The following POPDC3 variants were observed in gnomAD, a reference collection of about 807,000 sequenced individuals.
POPDC3 encodes popeye domain cAMP effector 3.
In POPDC3, 20 loss-of-function variants were observed where a neutral mutation model predicts 28.2. The observed-to-expected ratio is 0.71, with a 90% CI of 0.50 to 1.03. POPDC3 has a LOEUF of 1.03. Ranked by LOEUF, POPDC3 falls within the 50% of genes least tolerant of loss-of-function variation. The probability of loss-of-function intolerance (pLI) is 0.00; values close to 1 mark genes in which losing one functional copy is unlikely to be tolerated. For synonymous variants in POPDC3, 118 were observed against 124.1 expected, an observed-to-expected ratio of 0.95 and a Z score of 0.33; for missense variants, 316 against 345.9, an observed-to-expected ratio of 0.91 and a Z score of 0.69.
chr6:105,179,400 GGGCCCCTAGGAAC>G (rs1774740040), intron 1 of POPDC3, among the ~76,000 whole-genome samples: 1 of 152,134 alleles, frequency 6.6e-6, no homozygotes, highest in South Asian at 2.1e-4. Context: ...GGACTGACAA[GGGCCCCTAGGAAC>G]GGCTTTTCTC....
In POPDC3 at chr6:105,159,944, A is replaced by T. The variant is rs770840831; in HGVS notation, c.486-125T>A. The T allele has an allele frequency of 6.7e-6, 4 of 594,218 alleles. No individual in the cohort carries two copies. In the African/African-American group the frequency reaches 7.5e-5, roughly 11 times the overall value. The allele number at this position is 594,218 out of a possible 1,614,324, so 36.8% of individuals were successfully genotyped here. A position where few individuals can be genotyped will look rare whatever the true frequency, so the allele number is the denominator to read the frequency against. The stretch of plus-strand genomic sequence containing the variant: ...GACTCTTGCCCTTTATGATTTTGAA[A>T]GGCAAAATATTAAATTCATACATTA... On this transcript the variant is annotated intron_variant, in intron 2 of 3. Transcript: ENST00000254765.
intron 1 of POPDC3, among the ~76,000 whole-genome samples, chr6:105,174,134 C>T (rs530107189): frequency 1.3e-5 from 2 of 152,120 alleles, no homozygotes; most frequent in Non-Finnish European, 2.9e-5. Flanking sequence ...CTCCGCCTCC[C>T]GGGTTCAAGC....
chr6:105,176,832 T>C (rs1330717838), intron 1 of POPDC3, among the ~76,000 whole-genome samples: 1 of 152,234 alleles, frequency 6.6e-6, no homozygotes, highest in East Asian at 1.9e-4. Flanking sequence ...GTGCTGGGAT[T>C]ACAGGCGTGA....
intron 1 of POPDC3, among the ~76,000 whole-genome samples, chr6:105,175,353 A>G (rs1774661376): frequency 1.5e-5 from 2 of 134,694 alleles, no homozygotes; most frequent in African/African-American, 5.6e-5. Context: ...AGCCTGGGTA[A>G]CACAGTGAGA....
At chr6:105,166,362 C>T (rs1774455062) in intron 1 of POPDC3, among the ~76,000 whole-genome samples, 1 of 150,982 alleles carries the variant, frequency 6.6e-6, no homozygotes, top group East Asian at 1.9e-4. Context: ...CCTGTTTTGT[C>T]GCCGGGGCAC....
intron 1 of POPDC3, 90 bp from the exon 2 acceptor site, chr6:105,162,250 G>A (rs1774352324): frequency 1.5e-6 from 1 of 648,006 alleles, no homozygotes; most frequent in Non-Finnish European, 2.0e-6. Context: ...TACTTAGCAA[G>A]CTGACCTCCC....
intron 1 of POPDC3, among the ~76,000 whole-genome samples, chr6:105,162,481 C>CA (rs1164063302): frequency 6.6e-6 from 1 of 152,216 alleles, no homozygotes; most frequent in Non-Finnish European, 1.5e-5. Context: ...CCTGGAATCC[C>CA]AGCCCTTTGG....
chr6:105,169,543 T>C (rs186889632), intron 1 of POPDC3: 8 of 152,340 alleles, frequency 5.3e-5, no homozygotes, highest in African/African-American at 1.9e-4. Flanking sequence ...GCCATAAAGA[T>C]AGGGCAAATA....
chr6:105,173,931 G>A (rs780960062), intron 1 of POPDC3, among the ~76,000 whole-genome samples: 2 of 152,036 alleles, frequency 1.3e-5, no homozygotes, highest in Non-Finnish European at 2.9e-5. Context: ...AATGCACCAG[G>A]TTCCATGAAA....
chr6:105,169,231 C>G (rs899830779), intron 1 of POPDC3: 2 of 152,126 alleles, frequency 1.3e-5, no homozygotes, highest in African/African-American at 4.8e-5. Flanking sequence ...ATCTGTGAAG[C>G]TGAAGACACT....
chr6:105,163,824 AT>A (rs1774402227), intron 1 of POPDC3: 1 of 152,168 alleles, frequency 6.6e-6, no homozygotes, highest in South Asian at 2.1e-4. Context: ...ACTTATAGTC[AT>A]ATTGTTGTTT....
At chr6:105,173,526 T>C (rs1256115436) in intron 1 of POPDC3, among the ~76,000 whole-genome samples, 9 of 152,174 alleles carry the variant, frequency 5.9e-5, no homozygotes, top group Non-Finnish European at 1.5e-5. Flanking sequence ...ACATGTATAT[T>C]ATTTCATAGC....
intron 1 of POPDC3, among the ~76,000 whole-genome samples, chr6:105,168,011 A>G (rs757619614): frequency 1.8e-4 from 27 of 152,248 alleles, no homozygotes; most frequent in Non-Finnish European, 3.7e-4. Flanking sequence ...TGTATAATGC[A>G]TAAGTGTATA....
intron 2 of POPDC3, chr6:105,160,041 G>A (rs1216573671): frequency 3.0e-6 from 1 of 338,260 alleles, no homozygotes. Flanking sequence ...CTGGAATATT[G>A]AGTGAAATTC....
chr6:105,167,512 TGAG>T (rs1189047449), intron 1 of POPDC3, among the ~76,000 whole-genome samples: 1 of 152,112 alleles, frequency 6.6e-6, no homozygotes, highest in East Asian at 1.9e-4. Context: ...TTTGGGAGGC[TGAG>T]GAGGATGGAT....
rs368115429 is a variant in POPDC3 at position 105,159,730 on chromosome 6, G to A, written c.575C>T (p.Thr192Ile). ...CCTTACCTGAAAAATGCCTTCCTCT[G>A]TGGGTCTCAGTGAATCCCACTCAGG... ...DSPEWDSLRP[T>I]EEGIFQVTLT... The change falls in exon 3 of 4, where the codon ACA becomes ATA. Residue 192 changes from threonine (T) to isoleucine (I), a missense_variant. By Grantham distance (89) the Thr-to-Ile change is moderately conservative. Coordinates refer to ENST00000254765, the MANE Select transcript of POPDC3 (RefSeq NM_022361.5). 1 of 1,611,040 alleles carries A rather than the reference G, an allele frequency of 6.2e-7. No individual in the cohort carries two copies. The highest frequency in any genetic ancestry group is 1.1e-5 in the South Asian group (1 of 90,986).
At chr6:105,161,117 G>T (rs1051914124) in intron 2 of POPDC3, among the ~76,000 whole-genome samples, 1 of 152,168 alleles carries the variant, frequency 6.6e-6, no homozygotes, top group African/African-American at 2.4e-5. Flanking sequence ...AATTCAAGCT[G>T]ACATCATCCT....
chr6:105,165,922 T>C (rs1017944808), intron 1 of POPDC3, among the ~76,000 whole-genome samples: 1 of 152,184 alleles, frequency 6.6e-6, no homozygotes, highest in African/African-American at 2.4e-5. Flanking sequence ...AGGTGGTACA[T>C]TTACCCAGCA....
Position 105,161,737 on chromosome 6 carries a change from C to T in POPDC3, c.173G>A (p.Gly58Glu). 6.2e-7 allele frequency: 1 copy of T among 1,614,136 alleles called. No individual in the cohort carries two copies. ...FGLLYVFSLL[G>E]LGFLCSAVWA... is the part of the protein sequence containing the mutation. ...GACAGCAGAACAGAGAAAACCCAAC[C>T]CCAGCAAACTGAAGACATAAAGGAG... is the stretch of plus-strand genomic sequence containing the variant. The change falls in exon 2 of 4, where the codon GGG (glycine) becomes GAG (glutamate). Residue 58 changes from glycine (G) to glutamate (E), a missense_variant. Transcript: ENST00000254765.
Sources: gnomAD v4.1 joint callset for allele counts (sites outside exome capture counted in the v4.1 genomes callset) on GRCh38, gnomAD v4.1.1 for gene constraint, MANE v1.5 for transcripts, NCBI Gene and HGNC (gene_info 2026-07-23, HGNC 2026-07-21) for gene names.